The following GRIP1 variants were observed in gnomAD, a reference collection of about 807,000 sequenced individuals.
GRIP1 encodes glutamate receptor-interacting protein 1.
GRIP1 carries 45 observed loss-of-function variants against 129.9 expected under a neutral mutation model. The ratio of observed to expected loss-of-function variants is 0.35; its 90% CI spans 0.27 to 0.44. GRIP1 has a LOEUF of 0.44. GRIP1 is among the 20% of genes least tolerant of loss of function. GRIP1 has a pLI of 1.00. For missense variants in GRIP1, 1,196 were observed against 1,396.8 expected (o/e 0.86, Z 2.29); for synonymous variants, 530 against 520.8 (o/e 1.02, Z -0.24).
At chr12:66,539,327 A>G in intron 3 of GRIP1, 104 bp from the exon 4 acceptor site, 2 of 1,477,192 alleles carry the variant, frequency 1.4e-6, no homozygotes, top group South Asian at 2.3e-5. Context: ...TGTAGAAGCA[A>G]GCCTAGAAGG....
chr12:66,376,901 G>T, intron 22 of GRIP1, 116 bp downstream of exon 22: 1 of 803,150 alleles, frequency 1.2e-6, no homozygotes, highest in Non-Finnish European at 2.3e-6. Flanking sequence ...AGCTTGAGGG[G>T]TGGAGATGGG....
At chr12:66,766,500 C>T (rs1328628474) in intron 1 of GRIP1, among the ~76,000 whole-genome samples, 1 of 152,190 alleles carries the variant, frequency 6.6e-6, no homozygotes, top group Non-Finnish European at 1.5e-5. Context: ...CCCCACCAGA[C>T]TGTGAGCTCT....
chr12:66,372,215 C>G (rs1189040304), intron 22 of GRIP1: 2 of 509,814 alleles, frequency 3.9e-6, no homozygotes, highest in African/African-American at 3.9e-5. Context: ...AATGCTCTAA[C>G]ATTTGCTTAC....
intron 1 of GRIP1, among the ~76,000 whole-genome samples, chr12:66,943,911 G>T (rs187246731): frequency 6.6e-6 from 1 of 152,102 alleles, no homozygotes; most frequent in Admixed American, 6.6e-5. Context: ...CATTCTCATA[G>T]GTTAAGTATT....
chr12:67,034,997 T>C (rs1385878178), intron 1 of GRIP1, among the ~76,000 whole-genome samples: 1 of 152,222 alleles, frequency 6.6e-6, no homozygotes, highest in African/African-American at 2.4e-5. Context: ...CAAATAGAGC[T>C]TGCCATTACT....
chr12:67,040,308 AAGAG>A (rs1314307559), intron 1 of GRIP1, among the ~76,000 whole-genome samples: 2 of 151,962 alleles, frequency 1.3e-5, no homozygotes, highest in African/African-American at 2.4e-5. Context: ...TCCACTCAAT[AAGAG>A]AAAGTATCTG....
intron 1 of GRIP1, among the ~76,000 whole-genome samples, chr12:66,937,264 G>A (rs182548831): frequency 1.3e-5 from 2 of 152,062 alleles, no homozygotes; most frequent in Non-Finnish European, 2.9e-5. Context: ...CTGACACTTG[G>A]CCACCTTTCT....
chr12:66,627,185 T>C (rs1233318796), intron 1 of GRIP1, among the ~76,000 whole-genome samples: 1 of 152,178 alleles, frequency 6.6e-6, no homozygotes, highest in Non-Finnish European at 1.5e-5. Context: ...ATCAGATGAT[T>C]TCTTTGTGGT....
rs1565666323 is a variant in GRIP1 at position 66,363,199 on chromosome 12, C to CTATATATATATATATA, written c.3012+8494_3012+8495insTATATATATATATATA. The stretch of plus-strand genomic sequence containing the variant: ...TATATGTATATATGTGTGTGTGTGT[C>CTATATATATATATATA]CATATATATATATATATATATATAT... On this transcript the variant is annotated intron_variant, in intron 23 of 24. Transcript: ENST00000359742. Among the ~76,000 whole-genome samples, 268 of 35,298 alleles carry CTATATATATATATATA rather than the reference C, an allele frequency of 7.6e-3. 6 individuals carry two copies. Among genetic ancestry groups the CTATATATATATATATA allele is most frequent in the African/African-American group, 0.019 (254 of 13,156 alleles). The allele number at this position is 35,298 out of a possible 152,430, so 23.2% of individuals were successfully genotyped here.
At chr12:66,899,542 T>C (rs568136730) in intron 1 of GRIP1, among the ~76,000 whole-genome samples, 2 of 152,084 alleles carry the variant, frequency 1.3e-5, no homozygotes, top group Admixed American at 6.5e-5. Context: ...TTTTTTAATT[T>C]TTTATAGAGA....
intron 1 of GRIP1, among the ~76,000 whole-genome samples, chr12:66,970,897 G>A (rs528908848): frequency 3.9e-5 from 6 of 152,252 alleles, no homozygotes; most frequent in East Asian, 1.9e-4. Context: ...TCCTTGGAGA[G>A]TAAGTCTTTA....
At chr12:66,846,487 C>T (rs2039817442) in intron 1 of GRIP1, among the ~76,000 whole-genome samples, 1 of 152,188 alleles carries the variant, frequency 6.6e-6, no homozygotes. Flanking sequence ...GCTGTCTCAT[C>T]ACTAACCTGG....
chr12:66,846,168 G>C (rs1212715597), intron 1 of GRIP1, among the ~76,000 whole-genome samples: 1 of 152,142 alleles, frequency 6.6e-6, no homozygotes, highest in Non-Finnish European at 1.5e-5. Context: ...CACTTGCTAA[G>C]ATTTTTAAAA....
intron 1 of GRIP1, among the ~76,000 whole-genome samples, chr12:66,743,280 G>T (rs991877587): frequency 7.2e-5 from 11 of 152,060 alleles, no homozygotes; most frequent in African/African-American, 2.7e-4. Flanking sequence ...TGTTGGGGTA[G>T]AAACAATGCT....
chr12:66,962,695 C>A (rs976019241), intron 1 of GRIP1, among the ~76,000 whole-genome samples: 2 of 151,938 alleles, frequency 1.3e-5, no homozygotes, highest in South Asian at 4.1e-4. Flanking sequence ...AAAGATCCGT[C>A]TCAAAACAAA....
intron 2 of GRIP1, chr12:66,567,449 C>T (rs2062808309): frequency 6.6e-6 from 1 of 152,094 alleles, no homozygotes; most frequent in Admixed American, 6.6e-5. Context: ...TGTAAAAGAA[C>T]AGAAATTATA....
intron 1 of GRIP1, among the ~76,000 whole-genome samples, chr12:66,979,764 G>GAC (rs2042217270): frequency 1.3e-5 from 2 of 152,262 alleles, no homozygotes; most frequent in Non-Finnish European, 2.9e-5. Flanking sequence ...CATACGAAAA[G>GAC]ACACACAGGG....
intron 1 of GRIP1, among the ~76,000 whole-genome samples, chr12:66,672,903 G>T (rs945699896): frequency 2.0e-5 from 3 of 152,092 alleles, no homozygotes; most frequent in African/African-American, 7.2e-5. Flanking sequence ...TTTAGTGGGG[G>T]AAATTCAGTT....
chr12:66,503,035 C>T (rs2060433573), intron 7 of GRIP1, among the ~76,000 whole-genome samples: 1 of 152,116 alleles, frequency 6.6e-6, no homozygotes, highest in Non-Finnish European at 1.5e-5. Context: ...TGGCAGTTAT[C>T]ACATTGCTGC....
Sources: allele counts gnomAD v4.1 joint callset (sites outside exome capture counted in the v4.1 genomes callset), GRCh38; gene constraint gnomAD v4.1.1; transcripts MANE v1.5; gene names NCBI Gene and HGNC (gene_info 2026-07-23, HGNC 2026-07-21).